The following AFF3 variants were observed in gnomAD, a reference collection of about 807,000 sequenced individuals.
AFF3 encodes AF4/FMR2 family member 3.
AFF3 carries 32 observed loss-of-function variants against 129.7 expected under a neutral mutation model. The ratio of observed to expected loss-of-function variants is 0.25; its 90% CI spans 0.19 to 0.33. The LOEUF is 0.33. Ranked by LOEUF, AFF3 falls within the 10% of genes least tolerant of loss-of-function variation. AFF3 has a pLI of 1.00. For missense variants in AFF3, 1,373 were observed against 1,592.0 expected (o/e 0.86, Z 2.34); for synonymous variants, 644 against 635.4 (o/e 1.01, Z -0.20).
chr2:99,721,473 G>A (rs1171828551), intron 11 of AFF3, among the ~76,000 whole-genome samples: 1 of 149,752 alleles, frequency 6.7e-6, no homozygotes, highest in African/African-American at 2.5e-5. Context: ...AGGTTGCAGT[G>A]AGCTGAGATA....
At chr2:99,914,819 C>T (rs945883237) in intron 7 of AFF3, among the ~76,000 whole-genome samples, 1 of 152,062 alleles carries the variant, frequency 6.6e-6, no homozygotes. Context: ...ACTCAGGAGG[C>T]TGAGGCAGGA....
intron 13 of AFF3, among the ~76,000 whole-genome samples, chr2:99,618,534 C>G (rs1405791910): frequency 1.3e-5 from 2 of 152,088 alleles, no homozygotes; most frequent in African/African-American, 4.8e-5. Flanking sequence ...CCGCACCCAG[C>G]CTCATAACAT....
At chr2:99,916,210 C>T (rs1695465263) in intron 7 of AFF3, among the ~76,000 whole-genome samples, 1 of 152,174 alleles carries the variant, frequency 6.6e-6, no homozygotes, top group Admixed American at 6.5e-5. Context: ...ACACTCTTCC[C>T]TTCTGCGAGA....
At chr2:99,999,042 C>A (rs568164071) in intron 7 of AFF3, among the ~76,000 whole-genome samples, 230 of 152,206 alleles carry the variant, frequency 1.5e-3, no homozygotes, top group African/African-American at 5.2e-3. Context: ...TGGGAGCACA[C>A]GCACAGCACA....
chr2:100,061,066 A>G (rs896696043), intron 4 of AFF3, among the ~76,000 whole-genome samples: 2 of 152,188 alleles, frequency 1.3e-5, no homozygotes, highest in Non-Finnish European at 2.9e-5. Context: ...CAGGTCACAG[A>G]GATGAAACAT....
chr2:99,749,230 A>G (rs952171574), intron 9 of AFF3, among the ~76,000 whole-genome samples: 1 of 152,240 alleles, frequency 6.6e-6, no homozygotes, highest in Admixed American at 6.5e-5. Context: ...TGATTATTTC[A>G]CAATATCAAA....
At chr2:99,836,050 TC>T (rs1307316306) in intron 8 of AFF3, among the ~76,000 whole-genome samples, 2 of 152,224 alleles carry the variant, frequency 1.3e-5, no homozygotes, top group African/African-American at 4.8e-5. Context: ...ATTACTCAAG[TC>T]TTTATTCAAA....
intron 4 of AFF3, among the ~76,000 whole-genome samples, chr2:100,023,849 T>C (rs747792227): frequency 2.6e-5 from 4 of 152,222 alleles, no homozygotes; most frequent in East Asian, 1.9e-4. Context: ...TATTTCTCCA[T>C]CTCAGACAGG....
At chr2:100,044,987 T>C (rs1054356741) in intron 4 of AFF3, among the ~76,000 whole-genome samples, 2 of 152,156 alleles carry the variant, frequency 1.3e-5, no homozygotes, top group Non-Finnish European at 2.9e-5. Flanking sequence ...GACGGCAATC[T>C]GCTTTGGGAA....
At chr2:100,070,497 G>GTGAT (rs1688089828) in intron 4 of AFF3, among the ~76,000 whole-genome samples, 1 of 152,156 alleles carries the variant, frequency 6.6e-6, no homozygotes, top group South Asian at 2.1e-4. Flanking sequence ...TTTTCACACT[G>GTGAT]TGATTCTCCT....
rs116570652 is a variant in AFF3 at position 99,832,774 on chromosome 2, C to T, written c.921+4703G>A. ...TCAGTGAATTTCTCTAGCCCTCCAT[C>T]GGGCTGACTTTTGTTTTGAGTTTAT... On this transcript the variant is annotated intron_variant, in intron 8 of 24. Coordinates refer to ENST00000672756, the MANE Select transcript of AFF3 (RefSeq NM_001386135.1). 4.6e-3 allele frequency among the ~76,000 whole-genome samples: 696 copies of T among 152,288 alleles called. 3 individuals are homozygous for T. Among genetic ancestry groups the T allele is most frequent in the African/African-American group, 0.016 (663 of 41,558 alleles).
At position 100,013,759 on chromosome 2, in the gene AFF3, A is replaced by T. The variant is rs1045374781; in HGVS notation, c.54-4827T>A. Among the ~76,000 whole-genome samples the T allele has an allele frequency of 5.3e-5, 8 of 152,296 alleles. No individual in the cohort carries two copies. The East Asian group carries it at 1.3e-3, about 26-fold the overall frequency. On this transcript the variant is annotated intron_variant, in intron 4 of 24. Transcript: ENST00000672756. ...GCTGTTATAATTTTTTACAGCCCCC[A>T]ACTGACAAAGGATAGAAATCAGTCT... is the stretch of plus-strand genomic sequence containing the variant.
chr2:99,628,261 T>C (rs1682787130), intron 13 of AFF3, among the ~76,000 whole-genome samples: 1 of 152,216 alleles, frequency 6.6e-6, no homozygotes, highest in Admixed American at 6.5e-5. Context: ...GTAGTTCTCT[T>C]TGAAGAGGTC....
intron 4 of AFF3, among the ~76,000 whole-genome samples, chr2:100,025,846 A>G (rs1325320034): frequency 6.6e-6 from 1 of 152,246 alleles, no homozygotes; most frequent in East Asian, 1.9e-4. Flanking sequence ...GGCTAGCCAG[A>G]TGTAGGAGAA....
chr2:99,652,286 C>T (rs1685332652), intron 12 of AFF3, among the ~76,000 whole-genome samples: 1 of 152,168 alleles, frequency 6.6e-6, no homozygotes, highest in African/African-American at 2.4e-5. Context: ...GCACCCATGA[C>T]TCCCAAACCC....
At chr2:99,802,342 G>C (rs1686001817) in intron 8 of AFF3, among the ~76,000 whole-genome samples, 1 of 152,172 alleles carries the variant, frequency 6.6e-6, no homozygotes, top group African/African-American at 2.4e-5. Flanking sequence ...CATGAAGTCT[G>C]ACTGCATTTT....
chr2:99,565,659 AAT>A (rs763721985), intron 19 of AFF3, 36 bp from the exon 20 acceptor site: 25 of 1,588,198 alleles, frequency 1.6e-5, no homozygotes, highest in Non-Finnish European at 2.1e-5. Context: ...CTTCCTAAAC[AAT>A]AGTTTTTTTT....
In AFF3 at chr2:99,708,610, G is replaced by A. The variant is rs562411331; in HGVS notation, c.1091+18467C>T. The stretch of plus-strand genomic sequence containing the variant: ...GCACTGATATAGTTTTCTCTCCTCA[G>A]TGCTCACTTTGGGGCAATTTAGCAT... On this transcript the variant is annotated intron_variant, in intron 11 of 24. Coordinates refer to ENST00000672756, the MANE Select transcript of AFF3 (RefSeq NM_001386135.1). Among the ~76,000 whole-genome samples, 5 of 152,258 alleles carry A rather than the reference G, an allele frequency of 3.3e-5. No individual in the cohort carries two copies. In the East Asian group the frequency reaches 9.6e-4, roughly 29 times the overall value.
At chr2:99,698,312 G>A (rs758025535) in intron 11 of AFF3, among the ~76,000 whole-genome samples, 1 of 152,214 alleles carries the variant, frequency 6.6e-6, no homozygotes, top group Admixed American at 6.5e-5. Flanking sequence ...TTAGGGCCAA[G>A]CTGGTATCTG....
Sources: allele counts gnomAD v4.1 joint callset (sites outside exome capture counted in the v4.1 genomes callset), GRCh38; gene constraint gnomAD v4.1.1; transcripts MANE v1.5; gene names NCBI Gene and HGNC (gene_info 2026-07-23, HGNC 2026-07-21).